MCCC2: variants seen among roughly 807,000 people sequenced by gnomAD.
MCCC2 encodes the protein methylcrotonoyl-CoA carboxylase beta chain, mitochondrial.
Under a neutral mutation model 77.2 loss-of-function variants are expected in MCCC2, and 52 were observed. The ratio of observed to expected loss-of-function variants is 0.67; its 90% CI spans 0.54 to 0.85. The LOEUF (loss-of-function observed/expected upper bound fraction) is 0.85, where lower values mean the gene tolerates loss of function less well. Among genes scored for constraint, MCCC2 ranks in the 40% least tolerant of loss-of-function variants. MCCC2 has a pLI of 0.00. For missense variants in MCCC2, 682 were observed against 703.2 expected (o/e 0.97, Z 0.34); for synonymous variants, 253 against 248.4 (o/e 1.02, Z -0.18).
At chr5:71,613,455 T>C (rs1012301825) in intron 6 of MCCC2, among the ~76,000 whole-genome samples, 5 of 152,244 alleles carry the variant, frequency 3.3e-5, no homozygotes, top group Non-Finnish European at 7.3e-5. Flanking sequence ...TGAAGGGCAT[T>C]TGACTGAATG....
chr5:71,624,054 C>T (rs1166084600), intron 6 of MCCC2, among the ~76,000 whole-genome samples: 1 of 152,158 alleles, frequency 6.6e-6, no homozygotes, highest in Non-Finnish European at 1.5e-5. Flanking sequence ...TGGAAGTCCC[C>T]AGAGATAAGG....
intron 16 of MCCC2, 36 bp from the exon 17 acceptor site, chr5:71,656,707 G>A (rs1321112102): frequency 2.0e-6 from 3 of 1,525,300 alleles, no homozygotes; most frequent in Admixed American, 1.7e-5. Context: ...GTAGTTTGGT[G>A]GTAAATTCAT....
chr5:71,633,091 T>TTATATATATATATA (rs137979624), intron 8 of MCCC2, among the ~76,000 whole-genome samples: 46 of 84,198 alleles, frequency 5.5e-4, no homozygotes, highest in African/African-American at 2.2e-3. Flanking sequence ...TTTTTCAGTT[T>TTATATATATATATA]TATATATATA....
At chr5:71,641,144 A>G (rs773592745) in intron 11 of MCCC2, 69 bp downstream of exon 11, 4 of 1,417,666 alleles carry the variant, frequency 2.8e-6, no homozygotes, top group East Asian at 4.6e-5. Flanking sequence ...CTCTTGTTTC[A>G]AGACTTTGAT....
chr5:71,613,493 T>C (rs1336679163), intron 6 of MCCC2, among the ~76,000 whole-genome samples: 3 of 152,220 alleles, frequency 2.0e-5, no homozygotes, highest in African/African-American at 7.2e-5. Context: ...TATTTTATTT[T>C]TGTTTTTTAA....
chr5:71,648,887 T>C (rs1261854752), intron 13 of MCCC2, among the ~76,000 whole-genome samples: 1 of 152,252 alleles, frequency 6.6e-6, no homozygotes, highest in African/African-American at 2.4e-5. Flanking sequence ...GATGAACTGC[T>C]TTAAGAAAAT....
intron 7 of MCCC2, among the ~76,000 whole-genome samples, chr5:71,629,219 A>AG (rs1746632781): frequency 6.6e-6 from 1 of 150,762 alleles, no homozygotes; most frequent in Non-Finnish European, 1.5e-5. Flanking sequence ...AAAAAAAGAA[A>AG]GAAAGAAACA....
chr5:71,619,134 C>T (rs1281962579), intron 6 of MCCC2, among the ~76,000 whole-genome samples: 1 of 152,154 alleles, frequency 6.6e-6, no homozygotes, highest in Non-Finnish European at 1.5e-5. Flanking sequence ...ACCTTACCTC[C>T]CTCCTCCTCC....
chr5:71,650,295 C>A, intron 15 of MCCC2, 112 bp downstream of exon 15: 4 of 802,102 alleles, frequency 5.0e-6, no homozygotes, highest in Non-Finnish European at 8.7e-6. Context: ...GGGGACCTGG[C>A]GCACACTGCC....
intron 6 of MCCC2, among the ~76,000 whole-genome samples, chr5:71,623,105 A>G (rs973908535): frequency 1.3e-5 from 2 of 152,246 alleles, no homozygotes; most frequent in Non-Finnish European, 2.9e-5. Context: ...CAACAATAGA[A>G]AAGTACTTCC....
intron 2 of MCCC2, 151 bp downstream of exon 2, chr5:71,593,143 A>C: frequency 1.5e-6 from 1 of 685,084 alleles, no homozygotes; most frequent in Non-Finnish European, 2.5e-6. Flanking sequence ...GCTGGAGTGC[A>C]GTGGCGCCAT....
chr5:71,602,065 A>G (rs537902363), intron 4 of MCCC2, among the ~76,000 whole-genome samples: 2 of 152,324 alleles, frequency 1.3e-5, no homozygotes, highest in East Asian at 1.9e-4. Context: ...TCTTAGTACT[A>G]AAGGTCAGTT....
intron 11 of MCCC2, among the ~76,000 whole-genome samples, chr5:71,641,649 G>A (rs1046422203): frequency 9.2e-5 from 14 of 152,242 alleles, no homozygotes; most frequent in African/African-American, 3.1e-4. Context: ...TAGTTTATAG[G>A]CCTTTGAAGA....
chr5:71,646,390 T>C, intron 13 of MCCC2, 113 bp downstream of exon 13: 1 of 905,032 alleles, frequency 1.1e-6, no homozygotes, highest in South Asian at 1.4e-5. Context: ...CAGGAAGTTC[T>C]ACTGGACATG....
chr5:71,648,526 A>G (rs1747336119), intron 13 of MCCC2, among the ~76,000 whole-genome samples: 1 of 152,132 alleles, frequency 6.6e-6, no homozygotes, highest in African/African-American at 2.4e-5. Context: ...TCAAAGCATC[A>G]CTTTAGAAAG....
chr5:71,627,158 C>T (rs1308592569), intron 7 of MCCC2, among the ~76,000 whole-genome samples: 1 of 152,204 alleles, frequency 6.6e-6, no homozygotes, highest in Non-Finnish European at 1.5e-5. Flanking sequence ...TATATTGTAG[C>T]AGATGTCAGA....
chr5:71,602,817 A>G (rs1002399977), intron 5 of MCCC2, 184 bp downstream of exon 5: 8 of 800,150 alleles, frequency 1.0e-5, no homozygotes, highest in Non-Finnish European at 1.6e-5. Context: ...AACTGTTCAT[A>G]GTACTAGTGC....
intron 7 of MCCC2, 53 bp from the exon 8 acceptor site, chr5:71,632,068 T>A: frequency 6.5e-7 from 1 of 1,545,004 alleles, no homozygotes; most frequent in Non-Finnish European, 9.0e-7. Flanking sequence ...TGGGGAAGCA[T>A]TTTTATATGT....
rs1177160283 is a variant in MCCC2 at position 71,596,334 on chromosome 5, G to T, written c.251G>T (p.Arg84Ile). 5.0e-6 allele frequency: 8 copies of T among 1,614,044 alleles called. No individual in the cohort carries two copies. The highest frequency in any genetic ancestry group is 6.8e-6 in the Non-Finnish European group (8 of 1,180,042). ...LHISRGKLLPRERIDNLIDPG... is the reference protein window; with the variant it reads ...LHISRGKLLPIERIDNLIDPG... ...ATATCAAGAGGAAAACTATTGCCCA[G>T]AGAAAGAATTGACAATCTCATAGAC... The change falls in exon 3 of 17, where the codon AGA becomes ATA. Residue 84 changes from arginine (R) to isoleucine (I), a missense_variant. Physicochemically the swap from Arg to Ile is moderately conservative, Grantham distance 97 (BLOSUM62 -3). Transcript: ENST00000340941.
Sources: gnomAD v4.1 joint callset for allele counts (sites outside exome capture counted in the v4.1 genomes callset) on GRCh38, gnomAD v4.1.1 for gene constraint, MANE v1.5 for transcripts, NCBI Gene and HGNC (gene_info 2026-07-23, HGNC 2026-07-21) for gene names.